HDAC7: variants seen among roughly 807,000 people sequenced by gnomAD.
HDAC7 encodes the protein histone deacetylase 7.
A neutral mutation model predicts 115.5 loss-of-function variants in HDAC7; 26 were observed. The observed-to-expected ratio is 0.23, with a 90% confidence interval of 0.16 to 0.31. The LOEUF is 0.31. HDAC7 is among the 10% of genes least tolerant of loss of function. HDAC7 has a pLI of 1.00. For synonymous variants in HDAC7, 564 were observed against 550.9 expected (o/e 1.02, Z -0.33); for missense variants, 1,068 against 1,329.0 (o/e 0.80, Z 3.05).
At chr12:47,792,891 C>T in intron 13 of HDAC7, 1 of 359,468 alleles carries the variant, frequency 2.8e-6, no homozygotes, top group South Asian at 2.1e-5. Context: ...GTGTTCATGG[C>T]ATCTGTACAT....
At chr12:47,789,622 C>A in intron 17 of HDAC7, 44 bp from the exon 18 acceptor site, 1 of 1,600,500 alleles carries the variant, frequency 6.2e-7, no homozygotes, top group Non-Finnish European at 8.6e-7. Flanking sequence ...ACAGCTCTGA[C>A]CCACAGCTGC....
intron 1 of HDAC7, among the ~76,000 whole-genome samples, chr12:47,812,180 C>T (rs529076706): frequency 6.6e-6 from 1 of 152,336 alleles, no homozygotes; most frequent in African/African-American, 2.4e-5. Context: ...TCCCTCCTCG[C>T]CCTGCCTCAC....
rs141306717 is a variant in HDAC7, at chr12:47,783,110, C to T, written c.*731G>A. The T allele has an allele frequency of 7.3e-3, 1,118 of 152,714 alleles. 11 individuals carry two copies. Among genetic ancestry groups the T allele is most frequent in the Non-Finnish European group, 9.6e-3 (658 of 68,216 alleles). 9.5% of individuals were successfully genotyped at this position (152,714 alleles called of 1,614,324 possible). Reference sequence around the variant, plus strand: ...GCCGAGGGGTCCCAGGGGTATGCTGCGCTTCTTGGGGAGATGAAGGGTTTG... The same window carrying T: ...GCCGAGGGGTCCCAGGGGTATGCTGTGCTTCTTGGGGAGATGAAGGGTTTG... On this transcript the variant is annotated 3_prime_UTR_variant, in exon 26 of 26. Transcript: ENST00000080059.
In HDAC7 at chr12:47,796,218, G is replaced by T. The variant is rs774752325; in HGVS notation, c.784C>A (p.Leu262Met). 50 of 1,608,218 alleles carry T rather than the reference G, an allele frequency of 3.1e-5. No homozygotes were observed. The highest frequency in any genetic ancestry group is 4.2e-5 in the Non-Finnish European group (50 of 1,178,366). ...CGGCAAGGCCTTACCTCCGAGCCCAGGATGGGATTGGGGCCGTGCTCGCTG... is the reference window on the plus strand; with the variant it reads ...CGGCAAGGCCTTACCTCCGAGCCCATGATGGGATTGGGGCCGTGCTCGCTG... ...NDSEHGPNPI[L>M]GSEALLGQRL... The change falls in exon 8 of 26, where the codon CTG (leucine) becomes ATG (methionine). Residue 262 changes from leucine to methionine, a missense_variant. Physicochemically the swap from Leu to Met is conservative, Grantham distance 15. Coordinates refer to ENST00000080059, the MANE Select transcript of HDAC7 (RefSeq NM_015401.5).
intron 21 of HDAC7, 51 bp downstream of exon 21, chr12:47,787,661 G>A (rs188076019): frequency 5.2e-5 from 69 of 1,328,246 alleles, no homozygotes; most frequent in African/African-American, 1.3e-4. Flanking sequence ...GCTCTTGGGA[G>A]AAGGGACAGG....
intron 1 of HDAC7, among the ~76,000 whole-genome samples, chr12:47,811,952 C>G (rs542862453): frequency 1.3e-5 from 2 of 152,214 alleles, no homozygotes; most frequent in African/African-American, 4.8e-5. Context: ...CTTCCAGAGC[C>G]GCTGTGCTGG....
chr12:47,797,975 T>C lies in HDAC7; in HGVS notation c.461+133A>G, dbSNP rs1467774903. The C allele has an allele frequency of 1.3e-5, 9 of 712,398 alleles. No homozygotes were observed. Among genetic ancestry groups the C allele is most frequent in the East Asian group, 1.0e-4 (4 of 40,110 alleles). The allele number at this position is 712,398 out of a possible 1,614,324, so 44.1% of individuals were successfully genotyped here. On this transcript the variant is annotated intron_variant, in intron 5 of 25. Coordinates refer to ENST00000080059, the MANE Select transcript of HDAC7 (RefSeq NM_015401.5). The surrounding 1 kb of genome is among the most constrained non-coding windows in gnomAD (Gnocchi z 5.5). ...TTGAGAGAGGGGCTCGGGGGCATTA[T>C]GTTTAGAGGAAGGGTAAGGACTGGT...
chr12:47,784,695 C>G (rs1411776655), intron 24 of HDAC7: 3 of 1,534,146 alleles, frequency 2.0e-6, no homozygotes, highest in Admixed American at 3.9e-5. Flanking sequence ...GAGAACTGAC[C>G]ATCACCACGG....
rs1054294419 is a variant in HDAC7 at position 47,793,888 on chromosome 12, C to T, written c.1459-300G>A. Among the ~76,000 whole-genome samples, 1 of 152,212 alleles carries T rather than the reference C, an allele frequency of 6.6e-6. No homozygotes were observed. Among genetic ancestry groups the T allele is most frequent in the African/African-American group, 2.4e-5 (1 of 41,438 alleles). The stretch of plus-strand genomic sequence containing the variant: ...GATCTTGTGCTGACCAGGATGTCCT[C>T]CTGTCCTGGACTATGTAACTGTTCA... On this transcript the variant is annotated intron_variant, in intron 12 of 25. Transcript: ENST00000080059. The surrounding 1 kb of genome is among the most constrained non-coding windows in gnomAD (Gnocchi z 4.5).
At chr12:47,811,116 C>T (rs1944646414) in intron 1 of HDAC7, among the ~76,000 whole-genome samples, 1 of 152,200 alleles carries the variant, frequency 6.6e-6, no homozygotes, top group Non-Finnish European at 1.5e-5. Flanking sequence ...CTGACACTCA[C>T]AGGGATGCCA....
chr12:47,810,600 T>C (rs955734230), intron 1 of HDAC7, among the ~76,000 whole-genome samples: 3 of 152,222 alleles, frequency 2.0e-5, no homozygotes, highest in African/African-American at 7.2e-5. Context: ...AAGTGTACCA[T>C]TTAAACACTT....
chr12:47,785,056 G>A (rs969106196), intron 24 of HDAC7: 1 of 560,620 alleles, frequency 1.8e-6, no homozygotes, highest in Admixed American at 3.3e-5. Context: ...TGAGGGGAGG[G>A]ATGGGAACCA....
At chr12:47,784,437 G>C in intron 24 of HDAC7, 1 of 609,892 alleles carries the variant, frequency 1.6e-6, no homozygotes, top group South Asian at 2.1e-5. Flanking sequence ...ATGGCTGTGA[G>C]GGAGTCCTAG....
At chr12:47,792,905 C>A in intron 13 of HDAC7, 1 of 330,908 alleles carries the variant, frequency 3.0e-6, no homozygotes, top group Non-Finnish European at 6.0e-6. Context: ...TGTACATGTA[C>A]ATATGGCCAG....
Position 47,784,254 on chromosome 12 carries a change from A to C in HDAC7, c.2792-37T>G, listed in dbSNP as rs375612525. Reference sequence around the variant, plus strand: ...TGCCAGGTCAGAAAGGGTTGGAGAAAGCAAGCCCCTCCACACTGCGTCCTA... The same window carrying C: ...TGCCAGGTCAGAAAGGGTTGGAGAACGCAAGCCCCTCCACACTGCGTCCTA... On this transcript the variant is annotated intron_variant, in intron 24 of 25. Coordinates refer to ENST00000080059, the MANE Select transcript of HDAC7 (RefSeq NM_015401.5). 276 of 1,589,596 alleles carry C rather than the reference A, an allele frequency of 1.7e-4. 1 individual carries two copies. The highest frequency in any genetic ancestry group is 1.3e-3 in the South Asian group (113 of 87,884).
In HDAC7 at chr12:47,816,122, C is replaced by G. The variant is rs1439998497; in HGVS notation, c.19+3645G>C. Among the ~76,000 whole-genome samples, 3 of 152,142 alleles carry G rather than the reference C, an allele frequency of 2.0e-5. No homozygotes were observed. The East Asian group carries it at 5.8e-4, about 29-fold the overall frequency. On this transcript the variant is annotated intron_variant, in intron 1 of 25. Coordinates refer to ENST00000080059, the MANE Select transcript of HDAC7 (RefSeq NM_015401.5). Reference sequence around the variant, plus strand: ...GGCCAGGCTGGTCTTGAACTCCTGACCTCAGGTGATCCACCTGCCTCGGCC... The same window carrying G: ...GGCCAGGCTGGTCTTGAACTCCTGAGCTCAGGTGATCCACCTGCCTCGGCC...
chr12:47,813,651 G>C (rs1317002842), intron 1 of HDAC7, among the ~76,000 whole-genome samples: 1 of 152,012 alleles, frequency 6.6e-6, no homozygotes, highest in African/African-American at 2.4e-5. Context: ...GGTGGGGATG[G>C]TGAGCTTAGC....
intron 13 of HDAC7, chr12:47,792,718 T>A (rs1357886589): frequency 2.2e-6 from 1 of 454,868 alleles, no homozygotes; most frequent in Admixed American, 2.4e-5. Context: ...ATAAGGAAAT[T>A]CAAATAAGCT....
At chr12:47,789,476 G>A in intron 18 of HDAC7, 47 bp downstream of exon 18, 1 of 1,604,632 alleles carries the variant, frequency 6.2e-7, no homozygotes, top group East Asian at 2.2e-5. Context: ...AAGTTCCTGG[G>A]GGCTTGCCCC....
Sources: gnomAD v4.1 joint callset for allele counts (sites outside exome capture counted in the v4.1 genomes callset) on GRCh38, gnomAD v4.1.1 for gene constraint, Gnocchi (gnomAD v3.1) non-coding constraint, MANE v1.5 for transcripts, NCBI Gene and HGNC (gene_info 2026-07-23, HGNC 2026-07-21) for gene names.